Variants in SAMD3 observed in about 807,000 individuals in gnomAD.
SAMD3 encodes the protein sterile alpha motif domain containing 3.
SAMD3 carries 63 observed loss-of-function variants against 58.5 expected under a neutral mutation model. That is an observed-to-expected ratio of 1.08 (90% confidence interval 0.88 to 1.33). The LOEUF is 1.33. Ranked by LOEUF, SAMD3 falls within the 40% of genes most tolerant of loss-of-function variation. The pLI is 0.00. For missense variants in SAMD3, 604 were observed against 608.4 expected (o/e 0.99, Z 0.08); for synonymous variants, 220 against 210.3 (o/e 1.05, Z -0.40).
At chr6:130,314,752 G>A (rs6909844) in intron 1 of SAMD3, among the ~76,000 whole-genome samples, 13 of 151,652 alleles carry the variant, frequency 8.6e-5, no homozygotes, top group Admixed American at 4.6e-4. Context: ...GTAAAATTCC[G>A]TCAATAGGGG....
chr6:130,353,134 G>C (rs1197021261), intron 1 of SAMD3, among the ~76,000 whole-genome samples: 1 of 152,186 alleles, frequency 6.6e-6, no homozygotes, highest in Non-Finnish European at 1.5e-5. Context: ...CTTTCTTTCT[G>C]TTCCAGCTTA....
intron 4 of SAMD3, among the ~76,000 whole-genome samples, chr6:130,212,451 AC>A (rs1279045481): frequency 6.6e-6 from 1 of 152,144 alleles, no homozygotes; most frequent in Non-Finnish European, 1.5e-5. Context: ...AAACTAGTTA[AC>A]CCAGTTAACA....
intron 2 of SAMD3, among the ~76,000 whole-genome samples, chr6:130,295,418 A>G (rs1253672322): frequency 6.6e-6 from 1 of 152,142 alleles, no homozygotes; most frequent in Admixed American, 6.5e-5. Context: ...AACTACATCC[A>G]CTAGATAAAT....
intron 1 of SAMD3, among the ~76,000 whole-genome samples, chr6:130,348,999 A>C (rs1328816813): frequency 6.6e-6 from 1 of 152,156 alleles, no homozygotes; most frequent in South Asian, 2.1e-4. Flanking sequence ...AACGAAATGA[A>C]GGCAGAAATA....
chr6:130,205,920 T>G (rs910761808), intron 5 of SAMD3, among the ~76,000 whole-genome samples: 1 of 152,094 alleles, frequency 6.6e-6, no homozygotes, highest in African/African-American at 2.4e-5. Context: ...AGGCCCTTAA[T>G]GAACAACTGT....
chr6:130,206,543 C>T (rs1277847424), intron 5 of SAMD3, among the ~76,000 whole-genome samples: 1 of 152,306 alleles, frequency 6.6e-6, no homozygotes, highest in South Asian at 2.1e-4. Context: ...AATAAACTCC[C>T]TTTGTCTTTA....
chr6:130,313,986 T>C (rs1173112632), intron 1 of SAMD3, among the ~76,000 whole-genome samples: 1 of 152,252 alleles, frequency 6.6e-6, no homozygotes, highest in Non-Finnish European at 1.5e-5. Context: ...TGTAGATTTA[T>C]GGCTTTTAAG....
intron 5 of SAMD3, among the ~76,000 whole-genome samples, chr6:130,186,909 T>C (rs531809159): frequency 1.0e-3 from 152 of 152,068 alleles, no homozygotes; most frequent in Non-Finnish European, 1.6e-3. Flanking sequence ...TAGCTGGGAC[T>C]ACAGGCGCAT....
chr6:130,277,715 G>C (rs1200231243), intron 2 of SAMD3, among the ~76,000 whole-genome samples: 1 of 152,100 alleles, frequency 6.6e-6, no homozygotes, highest in African/African-American at 2.4e-5. Flanking sequence ...TTATAATGTG[G>C]TAACAAGCAA....
At chr6:130,268,151 C>A (rs960541274) in intron 2 of SAMD3, among the ~76,000 whole-genome samples, 4 of 152,046 alleles carry the variant, frequency 2.6e-5, no homozygotes, top group Non-Finnish European at 5.9e-5. Flanking sequence ...CCTGTGGAAG[C>A]CTAGGCTGCT....
At chr6:130,288,295 G>A (rs11966389) in intron 2 of SAMD3, among the ~76,000 whole-genome samples, 4,819 of 152,274 alleles carry the variant, frequency 0.032, 252 homozygotes, top group African/African-American at 0.11. Flanking sequence ...ATTTTGGCAG[G>A]AGTCAATGTT....
At chr6:130,303,892 G>GT (rs1562509970) in intron 2 of SAMD3, among the ~76,000 whole-genome samples, 2 of 151,832 alleles carry the variant, frequency 1.3e-5, no homozygotes, top group Admixed American at 6.6e-5. Context: ...CTATCTTCCA[G>GT]TTTTTTTCGT....
intron 1 of SAMD3, among the ~76,000 whole-genome samples, chr6:130,337,874 T>C (rs1428537581): frequency 1.3e-5 from 2 of 152,172 alleles, no homozygotes; most frequent in Non-Finnish European, 2.9e-5. Flanking sequence ...GTTTGGAAAA[T>C]TTACAGCTTG....
intron 1 of SAMD3, among the ~76,000 whole-genome samples, chr6:130,342,142 C>G (rs1387213569): frequency 1.3e-5 from 2 of 152,152 alleles, no homozygotes; most frequent in Admixed American, 1.3e-4. Flanking sequence ...TTGCATCTGT[C>G]TTTTTCTGGA....
intron 9 of SAMD3, among the ~76,000 whole-genome samples, chr6:130,149,237 C>T (rs1229774153): frequency 1.3e-5 from 2 of 152,194 alleles, no homozygotes; most frequent in Admixed American, 1.3e-4. Flanking sequence ...TGTGAATGGT[C>T]AGCCACAGGA....
intron 4 of SAMD3, among the ~76,000 whole-genome samples, chr6:130,210,250 T>A (rs1795418456): frequency 6.6e-6 from 1 of 152,166 alleles, no homozygotes; most frequent in Non-Finnish European, 1.5e-5. Flanking sequence ...TTTGCTGAGG[T>A]ATCAACAGGA....
intron 2 of SAMD3, among the ~76,000 whole-genome samples, chr6:130,267,807 C>T (rs1202183001): frequency 6.6e-6 from 1 of 152,184 alleles, no homozygotes; most frequent in African/African-American, 2.4e-5. Flanking sequence ...TCACTTATGC[C>T]CTGCTTGCTC....
intron 2 of SAMD3, among the ~76,000 whole-genome samples, chr6:130,268,716 C>T (rs143754127): frequency 0.016 from 2,506 of 152,198 alleles, 36 homozygotes; most frequent in Non-Finnish European, 0.026. Flanking sequence ...AATAGGCTAT[C>T]CCATATAGCC....
At chr6:130,264,251 G>A (rs117609911) in intron 2 of SAMD3, among the ~76,000 whole-genome samples, 3,853 of 152,198 alleles carry the variant, frequency 0.025, 68 homozygotes, top group Non-Finnish European at 0.04. Flanking sequence ...GTTCTATCCC[G>A]AAGTCTGGCA....
Sources: gnomAD v4.1 joint callset for allele counts (sites outside exome capture counted in the v4.1 genomes callset) on GRCh38, gnomAD v4.1.1 for gene constraint, MANE v1.5 for transcripts, NCBI Gene and HGNC (gene_info 2026-07-23, HGNC 2026-07-21) for gene names.